Variants in SHANK2 observed in about 807,000 individuals in gnomAD.
SHANK2 encodes the protein SH3 and multiple ankyrin repeat domains protein 2.
Under a neutral mutation model 133.7 loss-of-function variants are expected in SHANK2, and 43 were observed. That is an observed-to-expected ratio of 0.32 (90% CI 0.25 to 0.41). The LOEUF is 0.41. Ranked by LOEUF, SHANK2 falls within the 10% of genes least tolerant of loss-of-function variation. The pLI, the probability that SHANK2 is intolerant of heterozygous loss-of-function variation, is 1.00. For missense variants in SHANK2, 1,994 were observed against 2,235.8 expected, an observed-to-expected ratio of 0.89 and a Z score of 2.18; for synonymous variants, 1,017 against 952.8, an observed-to-expected ratio of 1.07 and a Z score of -1.24.
At chr11:71,168,810 GGGGAGA>G (rs57598046) in intron 2 of SHANK2, among the ~76,000 whole-genome samples, 2 of 150,256 alleles carry the variant, frequency 1.3e-5, no homozygotes, top group African/African-American at 2.4e-5. Context: ...GGGAGACCAT[GGGGAGA>G]GGGAGAGGGA....
At chr11:71,104,969 C>G (rs1369378256) in intron 6 of SHANK2, among the ~76,000 whole-genome samples, 1 of 152,008 alleles carries the variant, frequency 6.6e-6, no homozygotes, top group Non-Finnish European at 1.5e-5. Flanking sequence ...TTTGGCCTTA[C>G]AAAAAAATGC....
At chr11:71,209,585 C>T (rs536422981) in intron 2 of SHANK2, among the ~76,000 whole-genome samples, 3 of 152,344 alleles carry the variant, frequency 2.0e-5, no homozygotes, top group African/African-American at 7.2e-5. Context: ...TCACTCTTGA[C>T]TCAGTGAACT....
chr11:70,499,645 A>G (rs2059021941), intron 21 of SHANK2, among the ~76,000 whole-genome samples: 1 of 152,212 alleles, frequency 6.6e-6, no homozygotes. Flanking sequence ...TGCACGACAT[A>G]GAAAGAAGGG....
intron 6 of SHANK2, among the ~76,000 whole-genome samples, chr11:71,102,594 G>T (rs1406464428): frequency 6.6e-6 from 1 of 152,212 alleles, no homozygotes; most frequent in Non-Finnish European, 1.5e-5. Context: ...CTGTGGAGAG[G>T]CTAAAATATG....
At chr11:70,580,605 G>A (rs2060171739) in intron 17 of SHANK2, among the ~76,000 whole-genome samples, 4 of 152,212 alleles carry the variant, frequency 2.6e-5, no homozygotes. Flanking sequence ...AGATGAAGGA[G>A]GAGGGAGTGG....
chr11:70,515,799 G>A (rs1047320254), intron 17 of SHANK2, among the ~76,000 whole-genome samples: 9 of 152,156 alleles, frequency 5.9e-5, no homozygotes, highest in South Asian at 4.2e-4. Flanking sequence ...GCAACAGAGC[G>A]AGACCTGTCT....
At chr11:71,157,095 C>T (rs1180847363) in intron 2 of SHANK2, among the ~76,000 whole-genome samples, 1 of 152,136 alleles carries the variant, frequency 6.6e-6, no homozygotes, top group Non-Finnish European at 1.5e-5. Flanking sequence ...TGCACATGTA[C>T]CCTAGAACTT....
intron 17 of SHANK2, among the ~76,000 whole-genome samples, chr11:70,543,222 T>C (rs1332204164): frequency 6.6e-6 from 1 of 152,158 alleles, no homozygotes; most frequent in African/African-American, 2.4e-5. Flanking sequence ...GTATTTGGTT[T>C]TCCTCTCCTC....
At chr11:70,521,474 G>A (rs1347306148) in intron 17 of SHANK2, among the ~76,000 whole-genome samples, 3 of 152,072 alleles carry the variant, frequency 2.0e-5, no homozygotes, top group East Asian at 1.9e-4. Flanking sequence ...TTACAATTAC[G>A]TGAAATATTT....
chr11:70,491,549 A>G (rs2058887312), intron 22 of SHANK2, among the ~76,000 whole-genome samples: 1 of 152,238 alleles, frequency 6.6e-6, no homozygotes, highest in Admixed American at 6.5e-5. Context: ...TAAATTTATA[A>G]TATTTATAGG....
intron 25 of SHANK2, among the ~76,000 whole-genome samples, chr11:70,483,574 G>A (rs1555152279): frequency 6.6e-6 from 1 of 151,518 alleles, no homozygotes; most frequent in African/African-American, 2.4e-5. Context: ...AGCTGGGTGT[G>A]GTGGCATGCG....
intron 17 of SHANK2, among the ~76,000 whole-genome samples, chr11:70,548,296 T>C (rs1207075425): frequency 6.6e-6 from 1 of 152,264 alleles, no homozygotes; most frequent in African/African-American, 2.4e-5. Flanking sequence ...GACACAGACG[T>C]GCACACACAG....
chr11:70,916,850 G>A (rs1950278534), intron 10 of SHANK2, among the ~76,000 whole-genome samples: 1 of 152,162 alleles, frequency 6.6e-6, no homozygotes, highest in African/African-American at 2.4e-5. Flanking sequence ...GTGTCTTAAT[G>A]TACAAATGTC....
intron 17 of SHANK2, among the ~76,000 whole-genome samples, chr11:70,581,350 T>C (rs1554985408): frequency 8.2e-6 from 1 of 121,734 alleles, no homozygotes; most frequent in Non-Finnish European, 1.7e-5. Flanking sequence ...CAGTTTTTGT[T>C]ACTGTTTTTT....
chr11:71,219,454 A>AT (rs1318070984), intron 2 of SHANK2, among the ~76,000 whole-genome samples: 4 of 152,216 alleles, frequency 2.6e-5, no homozygotes, highest in Non-Finnish European at 5.9e-5. Flanking sequence ...TTGAATAGAC[A>AT]TTTTTCTGAA....
At chr11:71,121,227 A>G (rs1197435540) in intron 3 of SHANK2, among the ~76,000 whole-genome samples, 1 of 152,236 alleles carries the variant, frequency 6.6e-6, no homozygotes, top group African/African-American at 2.4e-5. Context: ...CAGAGCCACT[A>G]CTTAACTTCA....
At chr11:70,921,610 G>C (rs1162238986) in intron 10 of SHANK2, among the ~76,000 whole-genome samples, 1 of 152,184 alleles carries the variant, frequency 6.6e-6, no homozygotes, top group Non-Finnish European at 1.5e-5. Context: ...TGGAGGGCAG[G>C]GCCCACCCAG....
intron 6 of SHANK2, among the ~76,000 whole-genome samples, chr11:71,100,315 T>G (rs1555096397): frequency 1.3e-5 from 2 of 152,220 alleles, no homozygotes; most frequent in Admixed American, 6.5e-5. Flanking sequence ...ATCTGAATGT[T>G]AGTGTTTACA....
chr11:70,801,208 A>G (rs1354556155), intron 13 of SHANK2, among the ~76,000 whole-genome samples: 7 of 152,210 alleles, frequency 4.6e-5, no homozygotes, highest in African/African-American at 1.7e-4. Flanking sequence ...ATCTCTATGA[A>G]GTATGCACTT....
Sources: gnomAD v4.1 joint callset for allele counts (sites outside exome capture counted in the v4.1 genomes callset) on GRCh38, gnomAD v4.1.1 for gene constraint, MANE v1.5 for transcripts, NCBI Gene and HGNC (gene_info 2026-07-23, HGNC 2026-07-21) for gene names.